Variants in ZNF761 observed in about 807,000 individuals in gnomAD.
The protein encoded by ZNF761 is zinc finger protein 761.
Under a neutral mutation model 59.9 loss-of-function variants are expected in ZNF761, and 43 were observed. The ratio of observed to expected loss-of-function variants is 0.72; its 90% confidence interval spans 0.56 to 0.92. The LOEUF (loss-of-function observed/expected upper bound fraction) is 0.92. Among genes scored for constraint, ZNF761 ranks in the 40% least tolerant of loss-of-function variants. ZNF761 has a pLI of 0.00. For synonymous variants in ZNF761, 294 were observed against 304.8 expected (o/e 0.96, Z 0.37); for missense variants, 850 against 906.1 (o/e 0.94, Z 0.79).
At position 53,455,925 on chromosome 19, in the gene ZNF761, A is replaced by G; in HGVS notation, c.1418A>G (p.Lys473Arg). 1.9e-6 allele frequency: 3 copies of G among 1,613,896 alleles called. No homozygotes were observed. Among genetic ancestry groups the G allele is most frequent in the Non-Finnish European group, 1.7e-6 (2 of 1,179,920 alleles). The change falls in exon 5 of 5, where the codon AAA becomes AGA. Residue 473 changes from lysine (K) to arginine (R), a missense_variant. Lys to Arg is a conservative substitution (Grantham distance 26). Transcript: ENST00000684525. ...EQPYKCEECD[K>R]AFRFKSNLER... is the part of the protein sequence containing the mutation. ...CCTTACAAATGTGAAGAATGTGACA[A>G]AGCTTTCCGTTTCAAATCAAACCTT...
chr19:53,433,029 CTA>C (rs2085990346), intron 1 of ZNF761, among the ~76,000 whole-genome samples: 1 of 50,106 alleles, frequency 2.0e-5, no homozygotes, highest in African/African-American at 1.1e-4. Flanking sequence ...ATCTGGGGTG[CTA>C]GAGAGTGGGG....
intron 4 of ZNF761, among the ~76,000 whole-genome samples, chr19:53,451,399 G>A (rs972272568): frequency 1.3e-5 from 2 of 151,980 alleles, no homozygotes; most frequent in African/African-American, 4.8e-5. Flanking sequence ...AATAGACACA[G>A]GCTTTCTCCT....
In ZNF761 at chr19:53,447,212, C is replaced by G. The variant is rs2086169737; in HGVS notation, c.-57C>G. The G allele has an allele frequency of 5.0e-6, 8 of 1,601,732 alleles. No individual in the cohort carries two copies. The African/African-American group carries it at 9.4e-5, about 19-fold the overall frequency. Reference sequence around the variant, plus strand: ...AACATTCAGGATTGACTTCTAAAGACTCTTGGTACGTGAGGAAGAAACCCG... The same window carrying G: ...AACATTCAGGATTGACTTCTAAAGAGTCTTGGTACGTGAGGAAGAAACCCG... On this transcript the variant is annotated 5_prime_UTR_variant, in exon 3 of 5. Transcript: ENST00000684525.
intron 1 of ZNF761, among the ~76,000 whole-genome samples, chr19:53,445,733 GGT>G (rs201620132): frequency 0.01 from 1,578 of 152,188 alleles, 13 homozygotes; most frequent in Non-Finnish European, 0.017. Flanking sequence ...AAGAAATAGA[GGT>G]GTAGACTCAG....
At chr19:53,435,677 TGTTCCCTGACCA>T (rs2086034165) in intron 1 of ZNF761, among the ~76,000 whole-genome samples, 1 of 152,050 alleles carries the variant, frequency 6.6e-6, no homozygotes. Context: ...TTAGTTATCC[TGTTCCCTGACCA>T]GGTAGTATGT....
chr19:53,436,159 C>T (rs992635640), intron 1 of ZNF761, among the ~76,000 whole-genome samples: 4 of 152,054 alleles, frequency 2.6e-5, no homozygotes, highest in East Asian at 1.9e-4. Context: ...CTGTGGTGGA[C>T]CTATGGCATG....
At chr19:53,454,224 CTTG>C (rs1398053537) in intron 4 of ZNF761, among the ~76,000 whole-genome samples, 4 of 152,164 alleles carry the variant, frequency 2.6e-5, no homozygotes, top group African/African-American at 7.2e-5. Context: ...CTTACATGAG[CTTG>C]TTGTGGATTA....
rs1394755865 is a variant in ZNF761, at chr19:53,447,244, G to A, written c.-25G>A. On this transcript the variant is annotated 5_prime_UTR_variant, in exon 3 of 5. Coordinates refer to ENST00000684525, the MANE Select transcript of ZNF761 (RefSeq NM_001289951.2). ...TACGTGAGGAAGAAACCCGGAAGAG[G>A]AAGAGGAGAGCAAAGGAGTCAGGGA... The A allele has an allele frequency of 6.2e-7, 1 of 1,612,250 alleles. No homozygotes were observed. Among genetic ancestry groups the A allele is most frequent in the African/African-American group, 1.3e-5 (1 of 75,026 alleles).
intron 1 of ZNF761, among the ~76,000 whole-genome samples, chr19:53,438,075 G>A (rs754477854): frequency 2.9e-5 from 3 of 104,652 alleles, no homozygotes; most frequent in African/African-American, 6.7e-5. Context: ...GAAATACCTC[G>A]TCTACTGTTT....
At chr19:53,449,904 T>C in intron 4 of ZNF761, 1 of 706,486 alleles carries the variant, frequency 1.4e-6, no homozygotes, top group South Asian at 2.3e-5. Context: ...GTTGTTGAAA[T>C]TCATCTTGAT....
At chr19:53,442,988 C>T in intron 1 of ZNF761, 2 of 275,990 alleles carry the variant, frequency 7.2e-6, no homozygotes. Flanking sequence ...TACCTGTTGA[C>T]CCCAGAATTT....
At chr19:53,439,431 G>A (rs930232169) in intron 1 of ZNF761, among the ~76,000 whole-genome samples, 3 of 151,900 alleles carry the variant, frequency 2.0e-5, no homozygotes, top group East Asian at 3.9e-4. Context: ...TCAGCCTCCC[G>A]AATAGGTGGG....
rs72483994 is a variant in ZNF761, at chr19:53,456,987, A to T, written c.*239A>T. 18,088 of 703,574 alleles carry T rather than the reference A, an allele frequency of 0.026. 638 individuals carry two copies. Among genetic ancestry groups the T allele is most frequent in the East Asian group, 0.14 (4,971 of 35,544 alleles). 43.6% of individuals were successfully genotyped at this position (703,574 alleles called of 1,614,324 possible). On this transcript the variant is annotated 3_prime_UTR_variant, in exon 5 of 5. Coordinates refer to ENST00000684525, the MANE Select transcript of ZNF761 (RefSeq NM_001289951.2). ...AGAATTCATACTGGAGAGAAACCATAAAAATGTAAGAGTTTGTGACAAGGC... is the reference window on the plus strand; with the variant it reads ...AGAATTCATACTGGAGAGAAACCATTAAAATGTAAGAGTTTGTGACAAGGC...
Position 53,435,175 on chromosome 19 carries a change from C to T in ZNF761, c.-185+3147C>T, listed in dbSNP as rs754003643. On this transcript the variant is annotated intron_variant, in intron 1 of 4. Transcript: ENST00000684525. Reference sequence around the variant, plus strand: ...GAGGTGACTTTCTTTTGACCTTGCACGAATTTAAACTATTCACCAGGTGAA... The same window carrying T: ...GAGGTGACTTTCTTTTGACCTTGCATGAATTTAAACTATTCACCAGGTGAA... 9.3e-5 allele frequency among the ~76,000 whole-genome samples: 14 copies of T among 150,464 alleles called. No homozygotes were observed. In the South Asian group the frequency reaches 1.5e-3, roughly 16 times the overall value.
intron 1 of ZNF761, among the ~76,000 whole-genome samples, chr19:53,433,460 C>CGTTAT (rs59940137): frequency 4.9e-5 from 7 of 143,072 alleles, no homozygotes; most frequent in Non-Finnish European, 9.1e-5. Context: ...TTCGACTTCG[C>CGTTAT]CAAGTCGAGC....
At position 53,455,481 on chromosome 19, in the gene ZNF761, C is replaced by T. The variant is rs2086259246; in HGVS notation, c.974C>T (p.Pro325Leu). Residue 325 changes from proline to leucine, a missense_variant, in exon 5 of 5, where the codon CCA (proline) becomes CTA (leucine). Physicochemically the swap from Pro to Leu is moderately conservative, Grantham distance 98. Transcript: ENST00000684525. ...RHRIIHTEEK[P>L]YKCNECGKTF... is the part of the protein sequence containing the mutation. ...AGGATAATTCATACTGAAGAGAAAC[C>T]ATATAAGTGTAATGAGTGTGGCAAG... 6.2e-7 allele frequency: 1 copy of T among 1,613,822 alleles called. No homozygotes were observed. The highest frequency in any genetic ancestry group is 2.2e-5 in the East Asian group (1 of 44,846).
intron 1 of ZNF761, chr19:53,442,206 A>T: frequency 9.0e-7 from 1 of 1,116,010 alleles, no homozygotes. Flanking sequence ...CAAAGAAGCT[A>T]AGCACATTGC....
At chr19:53,442,877 G>A in intron 1 of ZNF761, 1 of 350,566 alleles carries the variant, frequency 2.9e-6, no homozygotes, top group Non-Finnish European at 5.3e-6. Flanking sequence ...AAATCATGTT[G>A]TGAAAAAAAA....
chr19:53,433,913 C>T (rs536853149), intron 1 of ZNF761, among the ~76,000 whole-genome samples: 9 of 152,258 alleles, frequency 5.9e-5, no homozygotes, highest in Admixed American at 2.6e-4. Context: ...TTCATTCTTA[C>T]AGTTATTTCT....
Sources: allele counts gnomAD v4.1 joint callset (sites outside exome capture counted in the v4.1 genomes callset), GRCh38; gene constraint gnomAD v4.1.1; transcripts MANE v1.5; gene names NCBI Gene and HGNC (gene_info 2026-07-23, HGNC 2026-07-21).